RHBDD1: variants seen among roughly 807,000 people sequenced by gnomAD.
The protein encoded by RHBDD1 is rhomboid-related protein 4.
Under a neutral mutation model 36.3 loss-of-function variants are expected in RHBDD1, and 38 were observed. The ratio of observed to expected loss-of-function variants is 1.05; its 90% confidence interval spans 0.81 to 1.37. The LOEUF is 1.37. Among genes scored for constraint, RHBDD1 ranks in the 40% most tolerant of loss-of-function variants. The pLI is 0.00. For missense variants in RHBDD1, 393 were observed against 377.6 expected (o/e 1.04, Z -0.34); for synonymous variants, 151 against 136.5 (o/e 1.11, Z -0.74).
intron 8 of RHBDD1, among the ~76,000 whole-genome samples, chr2:226,933,718 A>C (rs1393363399): frequency 6.6e-6 from 1 of 152,096 alleles, no homozygotes; most frequent in Non-Finnish European, 1.5e-5. Flanking sequence ...TAAAAAAAAC[A>C]AGTTAATTTA....
chr2:226,834,830 G>A (rs566432105), upstream of RHBDD1, among the ~76,000 whole-genome samples: 8 of 152,104 alleles, frequency 5.3e-5, no homozygotes, highest in African/African-American at 1.4e-4. Flanking sequence ...CGCCCAGGCT[G>A]GAGTGCATGG....
intron 5 of RHBDD1, among the ~76,000 whole-genome samples, chr2:226,903,880 A>G (rs1947807860): frequency 6.6e-6 from 1 of 152,168 alleles, no homozygotes; most frequent in Admixed American, 6.5e-5. Context: ...GAACGGCGCA[A>G]CAGAGAGAAG....
intron 8 of RHBDD1, among the ~76,000 whole-genome samples, chr2:226,990,237 A>C (rs896977824): frequency 6.6e-6 from 1 of 152,182 alleles, no homozygotes; most frequent in Non-Finnish European, 1.5e-5. Flanking sequence ...ATGACTTAAC[A>C]ACCATCCTTT....
At chr2:226,993,662 C>T (rs1047563120) in intron 8 of RHBDD1, among the ~76,000 whole-genome samples, 1 of 152,146 alleles carries the variant, frequency 6.6e-6, no homozygotes, top group Non-Finnish European at 1.5e-5. Context: ...AGGTATAATT[C>T]TCCCATGCTC....
intron 5 of RHBDD1, among the ~76,000 whole-genome samples, chr2:226,898,060 A>G (rs1264355384): frequency 6.6e-6 from 1 of 152,106 alleles, no homozygotes; most frequent in Non-Finnish European, 1.5e-5. Flanking sequence ...GATCTCATTC[A>G]CCCGCAAGGG....
intron 8 of RHBDD1, among the ~76,000 whole-genome samples, chr2:226,987,606 T>C (rs765014647): frequency 9.8e-5 from 15 of 152,286 alleles, no homozygotes; most frequent in Admixed American, 3.9e-4. Flanking sequence ...TCATGGACAC[T>C]CGAACCTCTG....
intron 3 of RHBDD1, among the ~76,000 whole-genome samples, chr2:226,850,147 C>T (rs776609451): frequency 2.0e-5 from 3 of 152,130 alleles, no homozygotes; most frequent in Non-Finnish European, 4.4e-5. Flanking sequence ...GGGAAACAGA[C>T]GGGGGTTGAT....
intron 5 of RHBDD1, chr2:226,895,878 C>T (rs989145136): frequency 1.3e-5 from 12 of 907,742 alleles, no homozygotes; most frequent in South Asian, 1.0e-4. Flanking sequence ...GAGCCTTGCT[C>T]GGTGTCTTTT....
At chr2:226,912,913 CATGACCA>C (rs1464088682) in intron 7 of RHBDD1, among the ~76,000 whole-genome samples, 3 of 152,144 alleles carry the variant, frequency 2.0e-5, no homozygotes, top group Non-Finnish European at 4.4e-5. Context: ...AACTACTTTT[CATGACCA>C]ATATTTATAT....
At chr2:226,876,073 G>C in intron 5 of RHBDD1, among the ~76,000 whole-genome samples, 1 of 152,208 alleles carries the variant, frequency 6.6e-6, no homozygotes, top group Non-Finnish European at 1.5e-5. Flanking sequence ...TAAACTCCAA[G>C]TTGGGAAGAG....
the RHBDD1 span, among the ~76,000 whole-genome samples, chr2:226,805,906 C>A: frequency 6.6e-6 from 1 of 152,144 alleles, no homozygotes; most frequent in Non-Finnish European, 1.5e-5. Context: ...AATTGCAAGG[C>A]AAATCATCAT....
At chr2:226,902,716 G>A (rs1388304777) in intron 5 of RHBDD1, among the ~76,000 whole-genome samples, 6 of 152,134 alleles carry the variant, frequency 3.9e-5, no homozygotes, top group Admixed American at 3.9e-4. Context: ...AACAAGACCA[G>A]TTAAATTTTT....
At chr2:226,904,406 C>T (rs570867722) in intron 5 of RHBDD1, among the ~76,000 whole-genome samples, 1 of 110,172 alleles carries the variant, frequency 9.1e-6, no homozygotes, top group East Asian at 2.8e-4. Flanking sequence ...TGTGGCACAT[C>T]CTGCAAGCGG....
At chr2:226,800,426 C>T in the RHBDD1 span, among the ~76,000 whole-genome samples, 1 of 152,182 alleles carries the variant, frequency 6.6e-6, no homozygotes, top group Admixed American at 6.5e-5. Flanking sequence ...AACAGAGGGA[C>T]GCCCAAGGGC....
chr2:226,892,401 A>T (rs1479006582), intron 5 of RHBDD1, among the ~76,000 whole-genome samples: 14 of 150,700 alleles, frequency 9.3e-5, no homozygotes, highest in Admixed American at 9.2e-4. Context: ...CCTAATCTTG[A>T]TGTTGGCTCT....
intron 5 of RHBDD1, among the ~76,000 whole-genome samples, chr2:226,899,899 A>G (rs907946980): frequency 2.0e-5 from 3 of 152,362 alleles, no homozygotes; most frequent in Non-Finnish European, 4.4e-5. Flanking sequence ...AATTTGGACA[A>G]TAAGTTAATG....
the RHBDD1 span, among the ~76,000 whole-genome samples, chr2:226,806,527 A>G: frequency 6.6e-6 from 1 of 152,232 alleles, no homozygotes; most frequent in Non-Finnish European, 1.5e-5. Flanking sequence ...CAACTGTCAC[A>G]AGTTTGGTCA....
At chr2:226,843,614 G>A (rs1941909529) in intron 3 of RHBDD1, among the ~76,000 whole-genome samples, 2 of 152,206 alleles carry the variant, frequency 1.3e-5, no homozygotes, top group African/African-American at 4.8e-5. Flanking sequence ...ACCCCGGGAT[G>A]AAGCCAACTT....
intron 8 of RHBDD1, among the ~76,000 whole-genome samples, chr2:226,993,737 T>A (rs1353537101): frequency 1.3e-5 from 2 of 152,108 alleles, no homozygotes; most frequent in Admixed American, 1.3e-4. Context: ...GAAGCAAAAA[T>A]ATAAAAAAGG....
Sources: gnomAD v4.1 joint callset for allele counts (sites outside exome capture counted in the v4.1 genomes callset) on GRCh38, gnomAD v4.1.1 for gene constraint, MANE v1.5 for transcripts, NCBI Gene and HGNC (gene_info 2026-07-23, HGNC 2026-07-21) for gene names.